Variants in PLEC observed in about 807,000 individuals in gnomAD.
PLEC encodes plectin.
PLEC carries 216 observed loss-of-function variants against 392.8 expected under a neutral mutation model. The ratio of observed to expected loss-of-function variants is 0.55; its 90% confidence interval spans 0.49 to 0.62. PLEC has a LOEUF of 0.62. Among genes scored for constraint, PLEC ranks in the 20% least tolerant of loss-of-function variants. The pLI is 0.00. For synonymous variants in PLEC, 3,621 were observed against 2,980.6 expected, an observed-to-expected ratio of 1.21 and a Z score of -7.00; for missense variants, 6,863 against 6,563.4, an observed-to-expected ratio of 1.05 and a Z score of -1.58.
At chr8:143,941,273 G>A (rs1223531697), upstream of PLEC, among the ~76,000 whole-genome samples, 2 of 152,206 alleles carry the variant, frequency 1.3e-5, no homozygotes, top group African/African-American at 4.8e-5. Context: ...CAGCCAGGGA[G>A]GTGGGCACAG....
Position 143,927,928 on chromosome 8 carries a change from C to G in PLEC, c.3325G>C (p.Glu1109Gln). The G allele has an allele frequency of 6.2e-7, 1 of 1,602,128 alleles. No individual in the cohort carries two copies. The highest frequency in any genetic ancestry group is 1.1e-5 in the South Asian group (1 of 89,352). Residue 1109 changes from glutamate to glutamine, a missense_variant, in exon 26 of 32, where the codon GAG becomes CAG. By Grantham distance (29) the Glu-to-Gln change is conservative (BLOSUM62 2). Transcript: ENST00000345136. ...GCCTGGGCCTCCTTGAGCTGCTCCT[C>G]GTGGGCCCTGAGCACCTCCTCGGCC... The part of the protein sequence containing the change: ...QGAEEVLRAH[E>Q]EQLKEAQAVP...
chr8:143,942,579 G>A, upstream of PLEC: 2 of 1,478,298 alleles, frequency 1.4e-6, no homozygotes, highest in Non-Finnish European at 1.8e-6. Context: ...CCGCGGCGGC[G>A]CCTCTGCTTC....
At chr8:143,932,770 G>A (rs782367058) in intron 14 of PLEC, 23 bp downstream of exon 14, 5 of 1,610,680 alleles carry the variant, frequency 3.1e-6, no homozygotes, top group Non-Finnish European at 4.2e-6. Flanking sequence ...CCCCCGCACT[G>A]CCCATCGCTC....
chr8:143,962,258 T>C (rs1168182575), intron 1 of PLEC, among the ~76,000 whole-genome samples: 1 of 152,112 alleles, frequency 6.6e-6, no homozygotes, highest in African/African-American at 2.4e-5. Context: ...GAGGCAGGGA[T>C]TGGCATGATG....
chr8:143,932,691 G>A lies in PLEC; in HGVS notation c.1759C>T (p.Arg587Trp), dbSNP rs554022624. 26 of 1,607,658 alleles carry A rather than the reference G, an allele frequency of 1.6e-5. No individual in the cohort carries two copies. Among genetic ancestry groups the A allele is most frequent in the South Asian group, 1.3e-4 (12 of 90,476 alleles). The change falls in exon 15 of 32, where the codon CGG becomes TGG. Residue 587 changes from arginine (R) to tryptophan (W), a missense_variant. Arg to Trp is a moderately radical substitution (Grantham distance 101, BLOSUM62 -3). Transcript: ENST00000345136. ...CCCAGGCAGTCACGGTAGGCACCCC[G>A]GGTGGCGGGGGAGAGCTGGCCCTGC... ...SDEGQLSPAT[R>W]GAYRDCLGRL...
rs1440264838 is a variant in PLEC at position 143,949,206 on chromosome 8, T to C, written c.523+978A>G. On this transcript the variant is annotated intron_variant, in intron 1 of 31. Transcript: ENST00000322810. ...CCCCTGGGCCCCCTCCCCCACACCC[T>C]GGCAAATCCTGCCCACCCTGAGAGC... Among the ~76,000 whole-genome samples the C allele has an allele frequency of 2.0e-5, 3 of 152,134 alleles. No homozygotes were observed. The East Asian group carries it at 5.8e-4, about 29-fold the overall frequency.
chr8:143,951,761 G>T (rs1436402745), upstream of PLEC, among the ~76,000 whole-genome samples: 3 of 152,194 alleles, frequency 2.0e-5, no homozygotes, highest in Non-Finnish European at 4.4e-5. Flanking sequence ...GATGGCTGCA[G>T]GGTGGAAGAA....
intron 5 of PLEC, 40 bp from the exon 6 acceptor site, chr8:143,936,054 C>T: frequency 6.2e-7 from 1 of 1,605,526 alleles, no homozygotes; most frequent in South Asian, 1.1e-5. Context: ...CAGCCACAGC[C>T]ACCAGGCCTG....
At chr8:143,939,006 C>T (rs1278190424) in intron 1 of PLEC, among the ~76,000 whole-genome samples, 1 of 151,388 alleles carries the variant, frequency 6.6e-6, no homozygotes, top group Non-Finnish European at 1.5e-5. Context: ...TCCCCCCCGG[C>T]CTCTACAGAC....
In PLEC at chr8:143,939,458, A is replaced by T. The variant is rs1554726793; in HGVS notation, c.4T>A (p.Ser2Thr). ...TGCGGCACGCGGAGCTGGTGCTGAG[A>T]CATGCTGCCCCCACACCTTCGTCGC... M[S>T]QHQLRVPQPE... Residue 2 changes from serine (S) to threonine (T), a missense_variant, in exon 1 of 32, where the codon TCT becomes ACT. Ser to Thr is a moderately conservative substitution (Grantham distance 58). Coordinates refer to ENST00000345136, the MANE Select transcript of PLEC (RefSeq NM_201384.3). 1.2e-6 allele frequency: 2 copies of T among 1,610,896 alleles called. No individual in the cohort carries two copies. Among genetic ancestry groups the T allele is most frequent in the African/African-American group, 2.7e-5 (2 of 74,896 alleles).
chr8:143,972,915 G>T (rs1247276370), intron 1 of PLEC, among the ~76,000 whole-genome samples: 1 of 152,188 alleles, frequency 6.6e-6, no homozygotes, highest in African/African-American at 2.4e-5. Context: ...CAGAGAAGGG[G>T]TGTGGGGGGG....
chr8:143,957,800 C>T (rs55831924), upstream of PLEC, among the ~76,000 whole-genome samples: 38,774 of 147,864 alleles, frequency 0.26, 5,864 homozygotes, highest in Non-Finnish European at 0.35. Flanking sequence ...CCCATCTTCA[C>T]GCCCACCCAC....
chr8:143,934,445 C>G lies in PLEC; in HGVS notation c.1042G>C (p.Gly348Arg). ...TTGAGCTGGCCTGCTTGCACCGCTC[C>G]CTGTAGACAGGGGCCACACTCAGGC... is the stretch of plus-strand genomic sequence containing the variant. ...RSKGIYQSLE[G>R]AVQAGQLKVP... is the part of the protein sequence containing the mutation. Residue 348 changes from glycine (G) to arginine (R), a missense_variant and splice_region_variant, in exon 11 of 32, where the codon GGA (glycine) becomes CGA (arginine). Coordinates refer to ENST00000345136, the MANE Select transcript of PLEC (RefSeq NM_201384.3). 6.2e-7 allele frequency: 1 copy of G among 1,611,184 alleles called. No homozygotes were observed. Among genetic ancestry groups the G allele is most frequent in the Non-Finnish European group, 8.5e-7 (1 of 1,179,828 alleles).
chr8:143,965,995 T>G (rs1242382672), intron 1 of PLEC, among the ~76,000 whole-genome samples: 1 of 152,122 alleles, frequency 6.6e-6, no homozygotes, highest in Non-Finnish European at 1.5e-5. Flanking sequence ...TCTCCCTCCC[T>G]GCCACCCTGC....
chr8:143,947,966 C>G (rs1554733170), intron 1 of PLEC, among the ~76,000 whole-genome samples: 1 of 152,224 alleles, frequency 6.6e-6, no homozygotes, highest in Non-Finnish European at 1.5e-5. Context: ...CTGATTGCTT[C>G]TGAAGCCACC....
upstream of PLEC, chr8:143,939,665 C>G (rs1277330752): frequency 2.8e-6 from 4 of 1,404,938 alleles, no homozygotes; most frequent in East Asian, 1.1e-4. Context: ...AGGCCCCACC[C>G]TGCCCAGGCC....
In PLEC at chr8:143,929,341, A is replaced by C; in HGVS notation, c.3082-60T>G. The C allele has an allele frequency of 1.3e-6, 2 of 1,584,142 alleles. 1 individual carries two copies. Among genetic ancestry groups the C allele is most frequent in the Non-Finnish European group, 1.7e-6 (2 of 1,171,526 alleles). Reference sequence around the variant, plus strand: ...CGAGCGCAGCACACAGCGCCCCTTGAAGGCCAAAGGAGGGAGGGTGGGAGG... The same window carrying C: ...CGAGCGCAGCACACAGCGCCCCTTGCAGGCCAAAGGAGGGAGGGTGGGAGG... On this transcript the variant is annotated intron_variant, in intron 24 of 31. Coordinates refer to ENST00000345136, the MANE Select transcript of PLEC (RefSeq NM_201384.3).
intron 3 of PLEC, chr8:143,937,823 G>A (rs781993313): frequency 5.4e-5 from 30 of 557,306 alleles, no homozygotes; most frequent in South Asian, 3.1e-4. Context: ...AAGGGCAGAG[G>A]TCAAGGTTCA....
At chr8:143,933,487 C>T in intron 12 of PLEC, 136 bp from the exon 13 acceptor site, 2 of 1,025,968 alleles carry the variant, frequency 1.9e-6, no homozygotes, top group Non-Finnish European at 3.0e-6. Flanking sequence ...CTTCCCCTTC[C>T]CTCCCTGCCC....
Sources: gnomAD v4.1 joint callset for allele counts (sites outside exome capture counted in the v4.1 genomes callset) on GRCh38, gnomAD v4.1.1 for gene constraint, MANE v1.5 for transcripts, NCBI Gene and HGNC (gene_info 2026-07-23, HGNC 2026-07-21) for gene names.